Variants in ARID4A observed in about 807,000 individuals in gnomAD.
ARID4A encodes the protein AT-rich interaction domain 4A.
Under a neutral mutation model 148.6 loss-of-function variants are expected in ARID4A, and 39 were observed. The observed-to-expected ratio is 0.26, with a 90% CI of 0.20 to 0.34. The LOEUF (loss-of-function observed/expected upper bound fraction) is 0.34. Ranked by LOEUF, ARID4A falls within the 10% of genes least tolerant of loss-of-function variation. ARID4A has a pLI of 1.00. For missense variants in ARID4A, 1,265 were observed against 1,449.1 expected (o/e 0.87, Z 2.06); for synonymous variants, 475 against 481.2 (o/e 0.99, Z 0.17).
At chr14:58,317,408 C>G (rs1411859589) in intron 5 of ARID4A, among the ~76,000 whole-genome samples, 1 of 148,678 alleles carries the variant, frequency 6.7e-6, no homozygotes, top group Non-Finnish European at 1.5e-5. Context: ...CCTCAGCCTC[C>G]CGAGTAGCTG....
rs1372533896 is a variant in ARID4A at position 58,330,140 on chromosome 14, A to G, written c.877A>G (p.Lys293Glu). 1.9e-6 allele frequency: 3 copies of G among 1,612,764 alleles called. No individual in the cohort carries two copies. The highest frequency in any genetic ancestry group is 3.4e-5 in the Admixed American group (2 of 59,578). ...TGAAGAAAATGATGAAGAGAAGGAA[A>G]AGGAGGCCAAAAAGACAGAAGAAGA... ...PAEENDEEKE[K>E]EAKKTEEEVP... Residue 293 changes from lysine (K) to glutamate (E), a missense_variant, in exon 11 of 24, where the codon AAG becomes GAG. Lys to Glu is a moderately conservative substitution (Grantham distance 56). This residue lies in a region of ARID4A where 249 missense variants were observed against 277.2 expected (regional missense o/e 0.90). Coordinates refer to ENST00000355431, the MANE Select transcript of ARID4A (RefSeq NM_002892.4).
At chr14:58,341,079 G>C (rs2034097100) in intron 11 of ARID4A, among the ~76,000 whole-genome samples, 1 of 151,538 alleles carries the variant, frequency 6.6e-6, no homozygotes, top group African/African-American at 2.4e-5. Context: ...CTTTCTCTCT[G>C]TCTCTCTCTC....
chr14:58,349,350 T>C (rs1327634691), intron 15 of ARID4A, among the ~76,000 whole-genome samples: 1 of 152,150 alleles, frequency 6.6e-6, no homozygotes, highest in East Asian at 1.9e-4. Flanking sequence ...AGTTTTTTAC[T>C]ATTTTAAAAA....
chr14:58,329,767 T>C lies in ARID4A; in HGVS notation c.739+163T>C, dbSNP rs376789460. 4.6e-5 allele frequency among the ~76,000 whole-genome samples: 7 copies of C among 152,314 alleles called. 1 individual carries two copies. Among genetic ancestry groups the C allele is most frequent in the African/African-American group, 7.2e-5 (3 of 41,560 alleles). On this transcript the variant is annotated intron_variant, in intron 10 of 23. Transcript: ENST00000355431. The stretch of plus-strand genomic sequence containing the variant: ...TTAATGTCTAGATACAATATTTGAT[T>C]TGTGATTAGATAAGTTTAACTTTTC...
At chr14:58,318,472 G>A in intron 5 of ARID4A, 70 bp from the exon 6 acceptor site, 1 of 1,404,132 alleles carries the variant, frequency 7.1e-7, no homozygotes, top group Non-Finnish European at 1.0e-6. Flanking sequence ...AGCAATAATA[G>A]CATTCTGTGC....
At chr14:58,323,650 C>A (rs555767283) in intron 8 of ARID4A, 33 bp downstream of exon 8, 1 of 1,534,448 alleles carries the variant, frequency 6.5e-7, no homozygotes, top group East Asian at 2.3e-5. Context: ...GTTAATCAGC[C>A]GTCTAAATAT....
rs2034687970 is a variant in ARID4A at position 58,352,597 on chromosome 14, T to C, written c.1656-1061T>C. Among the ~76,000 whole-genome samples the C allele has an allele frequency of 1.3e-5, 2 of 152,164 alleles. 1 individual carries two copies. Among genetic ancestry groups the C allele is most frequent in the South Asian group, 4.1e-4 (2 of 4,828 alleles). ...TATTATCTTTAAGTAGTTTTTCTCA[T>C]AGAGTTTTGAATTTACCTTATCACT... On this transcript the variant is annotated intron_variant, in intron 16 of 23. Transcript: ENST00000355431.
chr14:58,341,029 T>G (rs1472182368), intron 11 of ARID4A, among the ~76,000 whole-genome samples: 4 of 152,046 alleles, frequency 2.6e-5, no homozygotes, highest in Non-Finnish European at 5.9e-5. Flanking sequence ...CCCTCTCCCC[T>G]TCTCTCTCCC....
At chr14:58,329,414 T>C (rs1487645170) in intron 9 of ARID4A, 114 bp from the exon 10 acceptor site, 1 of 705,894 alleles carries the variant, frequency 1.4e-6, no homozygotes, top group Admixed American at 2.8e-5. Context: ...AAAAACATTT[T>C]ATAGACAATA....
chr14:58,317,604 A>G (rs1440949270), intron 5 of ARID4A, among the ~76,000 whole-genome samples: 4 of 149,296 alleles, frequency 2.7e-5, no homozygotes, highest in Admixed American at 2.0e-4. Flanking sequence ...GTTTCTTTTT[A>G]AAAAAACCTT....
rs1473892107 is a variant in ARID4A at position 58,330,023 on chromosome 14, TTC to T, written c.762_763del (p.Leu255LysfsTer3). 6.2e-7 allele frequency: 1 copy of T among 1,609,762 alleles called. No individual in the cohort carries two copies. The highest frequency in any genetic ancestry group is 1.7e-5 in the Admixed American group (1 of 58,522). On this transcript the variant is annotated frameshift_variant, in exon 11 of 24. Transcript: ENST00000355431. LOFTEE classifies it high-confidence loss of function. The stretch of plus-strand genomic sequence containing the variant: ...CTTAGGGCTTCAGAAAGCAAGCATC[TTC>T]TTAAAAACTAGAGTTGTTCCTGATA... ...TKPGLQKASI[F>X]LKTRVVPDNW...
rs760395662 is a variant in ARID4A, at chr14:58,364,370, G to C, written c.2281G>C (p.Glu761Gln). Reference sequence around the variant, plus strand: ...GCAGCCTTTAGAAACCCTGAAGTTAGAAGTTGGAGAGAATGAACAAATAGT... The same window carrying C: ...GCAGCCTTTAGAAACCCTGAAGTTACAAGTTGGAGAGAATGAACAAATAGT... ...QMQPLETLKL[E>Q]VGENEQIVQI... Residue 761 changes from glutamate (E) to glutamine (Q), a missense_variant, in exon 20 of 24, where the codon GAA (glutamate) becomes CAA (glutamine). Glu to Gln is a conservative substitution (Grantham distance 29, BLOSUM62 2). Transcript: ENST00000355431. The C allele has an allele frequency of 4.4e-6, 7 of 1,598,580 alleles. No individual in the cohort carries two copies. Among genetic ancestry groups the C allele is most frequent in the Non-Finnish European group, 4.3e-6 (5 of 1,176,316 alleles).
intron 7 of ARID4A, among the ~76,000 whole-genome samples, chr14:58,319,773 C>T (rs2032734429): frequency 6.6e-6 from 1 of 151,010 alleles, no homozygotes; most frequent in Admixed American, 6.6e-5. Flanking sequence ...GAACTCCTGA[C>T]GTCAAGTGAT....
chr14:58,366,223 T>G lies in ARID4A; in HGVS notation c.3516T>G (p.Phe1172Leu), dbSNP rs746829035. The change falls in exon 22 of 24, where the codon TTT becomes TTG. Residue 1172 changes from phenylalanine (F) to leucine (L), a missense_variant. Physicochemically the swap from Phe to Leu is conservative, Grantham distance 22. Coordinates refer to ENST00000355431, the MANE Select transcript of ARID4A (RefSeq NM_002892.4). ...NSSPRTYKWS[F>L]QLNELDNMNS... is the part of the protein sequence containing the mutation. ...CCCCTAGGACATATAAATGGAGCTT[T>G]CAGCTCAGTAAGAAGCTTATAGAAA... 1 of 1,611,974 alleles carries G rather than the reference T, an allele frequency of 6.2e-7. No homozygotes were observed. The highest frequency in any genetic ancestry group is 8.5e-7 in the Non-Finnish European group (1 of 1,178,272).
Position 58,299,868 on chromosome 14 carries a change from G to A in ARID4A, c.6+8G>A, listed in dbSNP as rs185146051. On this transcript the variant is annotated splice_region_variant and intron_variant, in intron 2 of 23. Transcript: ENST00000355431. Reference sequence around the variant, plus strand: ...TCACCAACAAAAATGAAGGTAAGTGGAGTCAACTCTGCCCCGATCCTCGCG... The same window carrying A: ...TCACCAACAAAAATGAAGGTAAGTGAAGTCAACTCTGCCCCGATCCTCGCG... The A allele has an allele frequency of 1.9e-6, 3 of 1,614,232 alleles. No homozygotes were observed. In the East Asian group the frequency reaches 6.7e-5, roughly 36 times the overall value.
chr14:58,313,583 T>C (rs1283867926), intron 5 of ARID4A, among the ~76,000 whole-genome samples: 1 of 152,158 alleles, frequency 6.6e-6, no homozygotes, highest in Non-Finnish European at 1.5e-5. Flanking sequence ...TAGAGAAATT[T>C]GCTCATCATA....
chr14:58,327,168 TCA>T (rs1299366366), intron 8 of ARID4A, among the ~76,000 whole-genome samples: 1 of 152,164 alleles, frequency 6.6e-6, no homozygotes, highest in African/African-American at 2.4e-5. Flanking sequence ...ATTCAGTCTC[TCA>T]GTTGCACCAG....
At chr14:58,336,791 C>A (rs561627957) in intron 11 of ARID4A, among the ~76,000 whole-genome samples, 1 of 151,894 alleles carries the variant, frequency 6.6e-6, no homozygotes, top group Non-Finnish European at 1.5e-5. Context: ...CATATGAAAT[C>A]GCCTCAGAGT....
intron 3 of ARID4A, 89 bp downstream of exon 3, chr14:58,301,779 T>C: frequency 1.1e-6 from 1 of 882,104 alleles, no homozygotes; most frequent in Admixed American, 2.5e-5. Flanking sequence ...TTTTATTGAG[T>C]CATTATATGA....
Sources: gnomAD v4.1 joint callset for allele counts (sites outside exome capture counted in the v4.1 genomes callset) on GRCh38, gnomAD v4.1.1 for gene constraint, gnomAD v4.1.1 regional missense constraint, MANE v1.5 for transcripts, NCBI Gene and HGNC (gene_info 2026-07-23, HGNC 2026-07-21) for gene names.